The following INSC variants were observed in gnomAD, a reference collection of about 807,000 sequenced individuals.
INSC encodes protein inscuteable homolog.
INSC carries 67 observed loss-of-function variants against 58.6 expected under a neutral mutation model. The ratio of observed to expected loss-of-function variants is 1.14; its 90% CI spans 0.94 to 1.40. The LOEUF is 1.40. INSC is among the 40% of genes most tolerant of loss of function. INSC has a pLI of 0.00. For missense variants in INSC, 714 were observed against 692.0 expected (o/e 1.03, Z -0.36); for synonymous variants, 262 against 276.1 (o/e 0.95, Z 0.51).
At position 15,178,457 on chromosome 11, in the gene INSC, G is replaced by C; in HGVS notation, c.579+10G>C. Reference sequence around the variant, plus strand: ...GACACGGGAGGTTCAGGTCAGTGCAGGCTGGGCTGCAGGGAGGGGTGCTTG... The same window carrying C: ...GACACGGGAGGTTCAGGTCAGTGCACGCTGGGCTGCAGGGAGGGGTGCTTG... On this transcript the variant is annotated intron_variant, in intron 5 of 12. Transcript: ENST00000379556. 6.2e-7 allele frequency: 1 copy of C among 1,607,242 alleles called. No individual in the cohort carries two copies. The highest frequency in any genetic ancestry group is 8.5e-7 in the Non-Finnish European group (1 of 1,179,610).
chr11:15,170,682 A>T (rs1335030811), intron 2 of INSC, among the ~76,000 whole-genome samples: 1 of 152,154 alleles, frequency 6.6e-6, no homozygotes, highest in Non-Finnish European at 1.5e-5. Context: ...TTTTCTTTGG[A>T]AATGATTCAC....
In INSC at chr11:15,177,056, T is replaced by C. The variant is rs184676591; in HGVS notation, c.403-55T>C. 1.2e-5 allele frequency: 17 copies of C among 1,368,120 alleles called. No individual in the cohort carries two copies. The East Asian group carries it at 3.9e-4, about 31-fold the overall frequency. 84.7% of individuals were successfully genotyped at this position (1,368,120 alleles called of 1,614,324 possible). On this transcript the variant is annotated intron_variant, in intron 3 of 12. Transcript: ENST00000379556. ...TGTCCCCGTGTGCTCAGCACAGCAG[T>C]TGGTCCTCAGTTAATGCTTACTGAG...
chr11:15,112,591 AGTGTGTGTGTGTGTGTGTGTGTGTGT>A (rs375142839), upstream of INSC: 213 of 367,236 alleles, frequency 5.8e-4, 5 homozygotes, highest in Non-Finnish European at 9.0e-4. Flanking sequence ...GGTGGATGTG[AGTGTGTGTGTGTGTGTGTGTGTGTGT>A]GTGTGTGTGT....
At chr11:15,259,128 G>C in the INSC span, among the ~76,000 whole-genome samples, 1 of 152,180 alleles carries the variant, frequency 6.6e-6, no homozygotes, top group East Asian at 1.9e-4. Context: ...CTCTGGATCT[G>C]TGGGGGAGTC....
At chr11:15,113,149 C>CTG (rs757233948), upstream of INSC, among the ~76,000 whole-genome samples, 2 of 131,248 alleles carry the variant, frequency 1.5e-5, no homozygotes, top group African/African-American at 5.6e-5. Context: ...TTCTTTCTGT[C>CTG]TCTCTCTCTC....
chr11:15,136,248 T>C (rs1357623504), intron 1 of INSC, among the ~76,000 whole-genome samples: 1 of 152,232 alleles, frequency 6.6e-6, no homozygotes, highest in African/African-American at 2.4e-5. Context: ...ACATATATAA[T>C]TAAAAATACT....
At chr11:15,189,825 G>A (rs1850100064) in intron 5 of INSC, among the ~76,000 whole-genome samples, 1 of 152,154 alleles carries the variant, frequency 6.6e-6, no homozygotes, top group South Asian at 2.1e-4. Flanking sequence ...TAGCAGGAAG[G>A]AATCCTTTAC....
intron 7 of INSC, among the ~76,000 whole-genome samples, chr11:15,201,645 G>A (rs148848671): frequency 6.9e-4 from 105 of 152,310 alleles, no homozygotes; most frequent in African/African-American, 2.5e-3. Flanking sequence ...TTGCGGATAG[G>A]CTCTCAGGGA....
At chr11:15,129,133 C>T (rs1310941684) in intron 1 of INSC, among the ~76,000 whole-genome samples, 8 of 152,128 alleles carry the variant, frequency 5.3e-5, no homozygotes. Context: ...ACATTTTCTG[C>T]CTCCCCAACC....
chr11:15,186,450 A>G (rs1849971645), intron 5 of INSC, among the ~76,000 whole-genome samples: 1 of 152,074 alleles, frequency 6.6e-6, no homozygotes, highest in Non-Finnish European at 1.5e-5. Flanking sequence ...TTTCTGACAC[A>G]TTCTTTTGTT....
At chr11:15,126,373 A>G (rs755109225) in intron 1 of INSC, among the ~76,000 whole-genome samples, 13 of 152,222 alleles carry the variant, frequency 8.5e-5, no homozygotes, top group Admixed American at 8.5e-4. Context: ...GACAAACCCT[A>G]TAACTCGAAG....
chr11:15,228,628 C>T (rs1851731658), intron 9 of INSC, among the ~76,000 whole-genome samples: 1 of 152,220 alleles, frequency 6.6e-6, no homozygotes, highest in Admixed American at 6.5e-5. Flanking sequence ...GAAGTGCTCA[C>T]TGCCCCCTAA....
Position 15,221,562 on chromosome 11 carries a change from C to T in INSC, c.905C>T (p.Ala302Val), listed in dbSNP as rs1444844631. ...ATRAEAAAVVAQVTSPHLPVT... is the reference protein window; with the variant it reads ...ATRAEAAAVVVQVTSPHLPVT... ...CGGGCTGAGGCTGCGGCTGTGGTGG[C>T]CCAGGTCACCTCCCCACACCTGCCC... The change falls in exon 8 of 13, where the codon GCC (alanine) becomes GTC (valine). Residue 302 changes from alanine to valine, a missense_variant. Physicochemically the swap from Ala to Val is moderately conservative, Grantham distance 64 (BLOSUM62 0). Coordinates refer to ENST00000379556, the MANE Select transcript of INSC (RefSeq NM_001042536.3). 1 of 1,614,070 alleles carries T rather than the reference C, an allele frequency of 6.2e-7. No individual in the cohort carries two copies. The highest frequency in any genetic ancestry group is 8.5e-7 in the Non-Finnish European group (1 of 1,180,008).
chr11:15,208,278 C>CAA (rs1393988164), intron 7 of INSC, among the ~76,000 whole-genome samples: 1 of 152,182 alleles, frequency 6.6e-6, no homozygotes, highest in Non-Finnish European at 1.5e-5. Flanking sequence ...CTCACACCCC[C>CAA]AAACACTAGC....
chr11:15,113,119 C>CTCTCTCTCTCTTTCTTTCTTTCTT (rs1554899334), upstream of INSC, among the ~76,000 whole-genome samples: 1 of 73,264 alleles, frequency 1.4e-5, no homozygotes, highest in African/African-American at 4.8e-5. Context: ...TTCTCTCTCT[C>CTCTCTCTCTCTTTCTTTCTTTCTT]TCTTTCTTTC....
chr11:15,178,482 G>A (rs761563389), intron 5 of INSC, 35 bp downstream of exon 5: 2 of 1,597,266 alleles, frequency 1.3e-6, no homozygotes, highest in Admixed American at 1.7e-5. Flanking sequence ...AGGGGTGCTT[G>A]TGTGGACCCT....
chr11:15,147,013 T>G (rs1848509385), intron 1 of INSC, among the ~76,000 whole-genome samples: 1 of 152,174 alleles, frequency 6.6e-6, no homozygotes, highest in Non-Finnish European at 1.5e-5. Flanking sequence ...CTCTCCTACC[T>G]TAGACTCTAA....
chr11:15,134,934 C>A (rs1366014389), intron 1 of INSC, among the ~76,000 whole-genome samples: 1 of 152,044 alleles, frequency 6.6e-6, no homozygotes, highest in Non-Finnish European at 1.5e-5. Context: ...GAGGGAGCAT[C>A]AAGAAGGTAC....
At chr11:15,226,817 G>GCAT (rs1564914999) in intron 9 of INSC, among the ~76,000 whole-genome samples, 3 of 152,180 alleles carry the variant, frequency 2.0e-5, no homozygotes, top group Non-Finnish European at 2.9e-5. Flanking sequence ...ATCTAATGAG[G>GCAT]TTATTCCTCT....
Sources: gnomAD v4.1 joint callset for allele counts (sites outside exome capture counted in the v4.1 genomes callset) on GRCh38, gnomAD v4.1.1 for gene constraint, MANE v1.5 for transcripts, NCBI Gene and HGNC (gene_info 2026-07-23, HGNC 2026-07-21) for gene names.